Variants in CIMAP3 observed in about 807,000 individuals in gnomAD.
CIMAP3 encodes ciliary microtubule-associated protein 3.
the CIMAP3 span, among the ~76,000 whole-genome samples, chr1:111,338,086 C>T: frequency 1.1e-4 from 16 of 149,734 alleles, no homozygotes; most frequent in East Asian, 3.1e-3. Context: ...CAACCTGCTC[C>T]TGAATGACTA....
the CIMAP3 span, chr1:111,348,879 G>A: frequency 5.5e-6 from 2 of 362,350 alleles, no homozygotes; most frequent in Non-Finnish European, 4.9e-6. Context: ...TTGTAGGTTC[G>A]ATAGATTTTT....
the CIMAP3 span, chr1:111,349,886 C>T: frequency 4.1e-6 from 2 of 490,212 alleles, no homozygotes; most frequent in Non-Finnish European, 7.3e-6. Context: ...TCGATCTGTG[C>T]TCTAACTGGA....
At chr1:111,348,903 C>A in the CIMAP3 span, 1 of 290,866 alleles carries the variant, frequency 3.4e-6, no homozygotes, top group Non-Finnish European at 6.5e-6. Flanking sequence ...CTAAATCCAT[C>A]ACACAAGGCT....
At chr1:111,333,691 T>C in the CIMAP3 span, among the ~76,000 whole-genome samples, 1 of 152,310 alleles carries the variant, frequency 6.6e-6, no homozygotes, top group South Asian at 2.1e-4. Context: ...GTGTCTCCAT[T>C]CTGCCCTCCT....
At chr1:111,346,801 A>C in the CIMAP3 span, 2 of 1,573,950 alleles carry the variant, frequency 1.3e-6, no homozygotes, top group Admixed American at 1.7e-5. Context: ...TTGTAAGCGC[A>C]CGGTTGGGCC....
chr1:111,332,804 C>T, the CIMAP3 span, among the ~76,000 whole-genome samples: 28 of 152,162 alleles, frequency 1.8e-4, no homozygotes, highest in South Asian at 2.1e-4. Flanking sequence ...AGGATAGTTT[C>T]TGAGGCCCAG....
chr1:111,338,270 C>A, the CIMAP3 span, among the ~76,000 whole-genome samples: 9 of 151,944 alleles, frequency 5.9e-5, no homozygotes, highest in African/African-American at 1.7e-4. Context: ...GACACCCTAA[C>A]ATCACAATTA....
the CIMAP3 span, among the ~76,000 whole-genome samples, chr1:111,336,479 T>C: frequency 6.6e-6 from 1 of 152,070 alleles, no homozygotes; most frequent in Non-Finnish European, 1.5e-5. Context: ...ATAACTAGAA[T>C]AACCAATACA....
At chr1:111,326,120 G>A in the CIMAP3 span, among the ~76,000 whole-genome samples, 1 of 152,120 alleles carries the variant, frequency 6.6e-6, no homozygotes, top group South Asian at 2.1e-4. Context: ...GAGGTGTCCA[G>A]TACTTTGAGT....
At chr1:111,338,575 C>T in the CIMAP3 span, among the ~76,000 whole-genome samples, 6 of 152,282 alleles carry the variant, frequency 3.9e-5, no homozygotes, top group African/African-American at 1.2e-4. Context: ...ACTATAAACA[C>T]CTCTACACAA....
the CIMAP3 span, among the ~76,000 whole-genome samples, chr1:111,329,393 C>G: frequency 6.6e-6 from 1 of 151,792 alleles, no homozygotes; most frequent in Non-Finnish European, 1.5e-5. Context: ...GTTGGCCTCT[C>G]TAGCATGGTT....
the CIMAP3 span, among the ~76,000 whole-genome samples, chr1:111,344,287 C>T: frequency 1.2e-4 from 19 of 152,240 alleles, no homozygotes; most frequent in South Asian, 3.9e-3. Flanking sequence ...TTCTTGTTTA[C>T]CCTTATTCCT....
the CIMAP3 span, among the ~76,000 whole-genome samples, chr1:111,338,479 T>G: frequency 4.9e-5 from 2 of 40,948 alleles, no homozygotes; most frequent in South Asian, 9.9e-4. Flanking sequence ...AAAGAGAGAA[T>G]AATCATAATC....
the CIMAP3 span, chr1:111,324,803 C>T: frequency 6.1e-6 from 6 of 985,010 alleles, no homozygotes; most frequent in Non-Finnish European, 7.2e-6. Flanking sequence ...TCCAGAAGGT[C>T]CATGCTATCT....
the CIMAP3 span, chr1:111,350,255 T>C: frequency 1.3e-6 from 2 of 1,511,260 alleles, no homozygotes; most frequent in Non-Finnish European, 1.8e-6. Flanking sequence ...TAGAAGACTC[T>C]TATTCGATCT....
the CIMAP3 span, among the ~76,000 whole-genome samples, chr1:111,336,842 G>A: frequency 3.9e-4 from 60 of 152,146 alleles, no homozygotes; most frequent in African/African-American, 1.4e-3. Flanking sequence ...AGGAAATACA[G>A]AGAACACCAC....
chr1:111,347,620 T>TC, the CIMAP3 span: 1 of 1,081,568 alleles, frequency 9.2e-7, no homozygotes, highest in East Asian at 2.5e-5. Flanking sequence ...TGTTTTTTCT[T>TC]TCTTTTTTTT....
chr1:111,350,946 A>T, the CIMAP3 span, among the ~76,000 whole-genome samples: 1 of 152,238 alleles, frequency 6.6e-6, no homozygotes, highest in Non-Finnish European at 1.5e-5. Flanking sequence ...ATGTATTAAC[A>T]TTATTGCATT....
chr1:111,324,916 A>C, the CIMAP3 span: 2 of 958,950 alleles, frequency 2.1e-6, no homozygotes, highest in Non-Finnish European at 2.5e-6. Context: ...ACTCTAGTAG[A>C]TGTATGAAAA....
Sources: gnomAD v4.1 joint callset for allele counts (sites outside exome capture counted in the v4.1 genomes callset) on GRCh38, gnomAD v4.1.1 for gene constraint, MANE v1.5 for transcripts, NCBI Gene and HGNC (gene_info 2026-07-23, HGNC 2026-07-21) for gene names.